Variants in ROR2 observed in about 807,000 individuals in gnomAD.
The protein encoded by ROR2 is tyrosine-protein kinase transmembrane receptor ROR2.
Under a neutral mutation model 74.9 loss-of-function variants are expected in ROR2, and 33 were observed. The observed-to-expected ratio is 0.44, with a 90% CI of 0.33 to 0.59. The LOEUF (loss-of-function observed/expected upper bound fraction) is 0.59, where lower values mean the gene tolerates loss of function less well. Ranked by LOEUF, ROR2 falls within the 20% of genes least tolerant of loss-of-function variation. The probability of loss-of-function intolerance (pLI) is 0.02; values close to 1 mark genes in which losing one functional copy is unlikely to be tolerated. For synonymous variants in ROR2, 586 were observed against 558.7 expected, an observed-to-expected ratio of 1.05 and a Z score of -0.69; for missense variants, 1,216 against 1,313.8, an observed-to-expected ratio of 0.93 and a Z score of 1.15.
chr9:91,936,879 A>G (rs1445219204), intron 1 of ROR2, among the ~76,000 whole-genome samples: 2 of 150,044 alleles, frequency 1.3e-5, no homozygotes, highest in Non-Finnish European at 3.0e-5. Flanking sequence ...AAATACAAAA[A>G]ATTAGCCGGG....
intron 7 of ROR2, among the ~76,000 whole-genome samples, chr9:91,728,881 C>A (rs78995057): frequency 6.6e-6 from 1 of 152,160 alleles, no homozygotes; most frequent in Non-Finnish European, 1.5e-5. Context: ...ACAGCACAGG[C>A]GTCTCCAACT....
intron 1 of ROR2, among the ~76,000 whole-genome samples, chr9:91,909,838 G>GTTATTTTTTTTTTTTTTTTTTTT (rs1830909954): frequency 1.6e-5 from 1 of 63,190 alleles, no homozygotes; most frequent in African/African-American, 6.5e-5. Flanking sequence ...TTTTTTTTAG[G>GTTATTTTTTTTTTTTTTTTTTTT]TTTGTTTTGT....
chr9:91,831,272 A>AC (rs1046139932), intron 1 of ROR2, among the ~76,000 whole-genome samples: 43 of 146,234 alleles, frequency 2.9e-4, no homozygotes, highest in African/African-American at 7.7e-4. Context: ...CAAAAAAACA[A>AC]AAAAAAAAAA....
At chr9:91,827,906 C>T (rs1474124578) in intron 1 of ROR2, among the ~76,000 whole-genome samples, 1 of 152,256 alleles carries the variant, frequency 6.6e-6, no homozygotes, top group Non-Finnish European at 1.5e-5. Context: ...TCATTTTGGG[C>T]AGTGCCATGT....
At chr9:91,725,473 G>A (rs769144410) in intron 8 of ROR2, among the ~76,000 whole-genome samples, 14 of 152,080 alleles carry the variant, frequency 9.2e-5, no homozygotes, top group Admixed American at 2.0e-4. Context: ...GGGCTGCCCC[G>A]GACATACCCT....
At chr9:91,833,524 G>A (rs1828528244) in intron 1 of ROR2, among the ~76,000 whole-genome samples, 1 of 152,044 alleles carries the variant, frequency 6.6e-6, no homozygotes, top group Non-Finnish European at 1.5e-5. Context: ...CACCAGCACC[G>A]CCACACGCCA....
At chr9:91,857,721 T>G (rs1220537680) in intron 1 of ROR2, among the ~76,000 whole-genome samples, 1 of 151,602 alleles carries the variant, frequency 6.6e-6, no homozygotes, top group Non-Finnish European at 1.5e-5. Flanking sequence ...TTAAATCCCC[T>G]CCCCTCCGCC....
At chr9:91,760,635 A>G (rs1425388015) in intron 2 of ROR2, among the ~76,000 whole-genome samples, 4 of 146,996 alleles carry the variant, frequency 2.7e-5, no homozygotes, top group Admixed American at 6.7e-5. Flanking sequence ...CTCTGTCTCA[A>G]AAAAAAAAAA....
chr9:91,943,046 TC>T (rs1831919710), intron 1 of ROR2, among the ~76,000 whole-genome samples: 2 of 152,202 alleles, frequency 1.3e-5, no homozygotes, highest in Non-Finnish European at 2.9e-5. Context: ...CCTTGTATAA[TC>T]CATGCTTGTC....
chr9:91,851,169 G>A (rs1467678015), intron 1 of ROR2, among the ~76,000 whole-genome samples: 1 of 151,884 alleles, frequency 6.6e-6, no homozygotes, highest in Non-Finnish European at 1.5e-5. Context: ...AGGCTAACAC[G>A]TTGAAACTCC....
chr9:91,728,861 A>G (rs1837136531), intron 7 of ROR2, among the ~76,000 whole-genome samples: 1 of 152,208 alleles, frequency 6.6e-6, no homozygotes, highest in Non-Finnish European at 1.5e-5. Flanking sequence ...CCACAGCTGC[A>G]TGCCACTCCA....
intron 7 of ROR2, among the ~76,000 whole-genome samples, chr9:91,729,672 C>A (rs1837167091): frequency 6.6e-6 from 1 of 152,202 alleles, no homozygotes; most frequent in Non-Finnish European, 1.5e-5. Context: ...CTGCTTCCAG[C>A]TCCCAGCCCA....
intron 1 of ROR2, among the ~76,000 whole-genome samples, chr9:91,845,877 CAAA>C (rs5899143): frequency 0.014 from 464 of 33,728 alleles, 1 homozygote; most frequent in East Asian, 0.081. Context: ...GAATCCATCT[CAAA>C]AAAAAAAAAA....
intron 1 of ROR2, among the ~76,000 whole-genome samples, chr9:91,889,679 A>T (rs1205480162): frequency 6.6e-6 from 1 of 152,180 alleles, no homozygotes; most frequent in Non-Finnish European, 1.5e-5. Context: ...CTCTCTGCAC[A>T]CAACACACTA....
intron 1 of ROR2, among the ~76,000 whole-genome samples, chr9:91,816,213 T>C (rs12343368): frequency 0.089 from 13,531 of 152,140 alleles, 1,543 homozygotes; most frequent in African/African-American, 0.25. Flanking sequence ...TCGGGCTCAC[T>C]GCTGTGGCCT....
chr9:91,757,524 T>C lies in ROR2; in HGVS notation c.211A>G (p.Ile71Val), dbSNP rs745733784. Residue 71 changes from isoleucine (I) to valine (V), a missense_variant, in exon 3 of 9, where the codon ATC becomes GTC. Coordinates refer to ENST00000375708, the MANE Select transcript of ROR2 (RefSeq NM_004560.4). ...FLNFLEPVNN[I>V]TIVQGQTAIL... Reference sequence around the variant, plus strand: ...GCCGTCTGGCCTTGGACAATGGTGATATTGTTTACTGGCTCCAGAAAATTC... The same window carrying C: ...GCCGTCTGGCCTTGGACAATGGTGACATTGTTTACTGGCTCCAGAAAATTC... 1 of 1,613,700 alleles carries C rather than the reference T, an allele frequency of 6.2e-7. No individual in the cohort carries two copies. The highest frequency in any genetic ancestry group is 1.7e-5 in the Admixed American group (1 of 59,952).
At chr9:91,734,176 G>A (rs558754174) in intron 5 of ROR2, among the ~76,000 whole-genome samples, 1 of 152,272 alleles carries the variant, frequency 6.6e-6, no homozygotes, top group Non-Finnish European at 1.5e-5. Context: ...GAGATCTGCT[G>A]CACCTGGGGT....
intron 1 of ROR2, among the ~76,000 whole-genome samples, chr9:91,892,844 C>G (rs1830455996): frequency 6.6e-6 from 1 of 152,126 alleles, no homozygotes; most frequent in African/African-American, 2.4e-5. Flanking sequence ...CCCGCCTCAG[C>G]CTCCCAAAGT....
chr9:91,918,747 T>A (rs561903835), intron 1 of ROR2, among the ~76,000 whole-genome samples: 1 of 152,318 alleles, frequency 6.6e-6, no homozygotes, highest in South Asian at 2.1e-4. Flanking sequence ...ATTTTAAGAA[T>A]TCTGTTGTTA....
Sources: allele counts gnomAD v4.1 joint callset (sites outside exome capture counted in the v4.1 genomes callset), GRCh38; gene constraint gnomAD v4.1.1; transcripts MANE v1.5; gene names NCBI Gene and HGNC (gene_info 2026-07-23, HGNC 2026-07-21).